The following PCSK2 variants were observed in gnomAD, a reference collection of about 807,000 sequenced individuals.
PCSK2 encodes neuroendocrine convertase 2.
A neutral mutation model predicts 69.7 loss-of-function variants in PCSK2; 14 were observed. The observed-to-expected ratio is 0.20, with a 90% CI of 0.13 to 0.31. The LOEUF is 0.31. Among genes scored for constraint, PCSK2 ranks in the 10% least tolerant of loss-of-function variants. PCSK2 has a pLI of 1.00. For missense variants in PCSK2, 544 were observed against 842.5 expected (o/e 0.65, Z 4.39); for synonymous variants, 307 against 320.7 (o/e 0.96, Z 0.46).
At chr20:17,335,278 C>T (rs1291397596) in intron 2 of PCSK2, among the ~76,000 whole-genome samples, 2 of 152,176 alleles carry the variant, frequency 1.3e-5, no homozygotes, top group African/African-American at 4.8e-5. Context: ...AGCTGAGGAT[C>T]AACCATAGGA....
chr20:17,481,494 G>C, intron 11 of PCSK2, 90 bp from the exon 12 acceptor site: 1 of 1,194,510 alleles, frequency 8.4e-7, no homozygotes, highest in Non-Finnish European at 1.2e-6. Flanking sequence ...CAAAGCCCTT[G>C]CCCTTTCCGC....
At chr20:17,452,510 G>T (rs1298180173) in intron 8 of PCSK2, among the ~76,000 whole-genome samples, 1 of 152,170 alleles carries the variant, frequency 6.6e-6, no homozygotes, top group Non-Finnish European at 1.5e-5. Context: ...CTTCCTTCTG[G>T]CTTCTCCACT....
chr20:17,434,139 T>A (rs188677864), intron 7 of PCSK2, among the ~76,000 whole-genome samples: 16 of 145,410 alleles, frequency 1.1e-4, no homozygotes, highest in Admixed American at 1.0e-3. Context: ...CTACCTGTTC[T>A]CCCTCTGCCT....
At chr20:17,464,464 TA>T (rs889304191) in intron 10 of PCSK2, 3 of 152,088 alleles carry the variant, frequency 2.0e-5, no homozygotes, top group African/African-American at 7.2e-5. Flanking sequence ...GAAGAACTGG[TA>T]CCCTCCTTTT....
chr20:17,475,594 TATTTTCAGTTTTCCAC>T (rs2033277209), intron 11 of PCSK2, among the ~76,000 whole-genome samples: 1 of 152,178 alleles, frequency 6.6e-6, no homozygotes, highest in Admixed American at 6.5e-5. Flanking sequence ...ATTGAAGAAA[TATTTTCAGTTTTCCAC>T]AAGGCAAGCA....
intron 4 of PCSK2, among the ~76,000 whole-genome samples, chr20:17,366,636 A>G (rs990189674): frequency 6.6e-6 from 1 of 152,244 alleles, no homozygotes; most frequent in Admixed American, 6.5e-5. Context: ...TAAAAGTACT[A>G]TCTAGTTACC....
intron 1 of PCSK2, among the ~76,000 whole-genome samples, chr20:17,244,327 G>C (rs1006055827): frequency 6.6e-6 from 1 of 152,114 alleles, no homozygotes; most frequent in Non-Finnish European, 1.5e-5. Flanking sequence ...TAACATTGAG[G>C]TCTCTCCCTC....
intron 2 of PCSK2, among the ~76,000 whole-genome samples, chr20:17,277,331 A>G (rs1476380425): frequency 6.6e-6 from 1 of 152,140 alleles, no homozygotes; most frequent in Admixed American, 6.5e-5. Context: ...CTACAAGGCT[A>G]CAGTAACCAA....
intron 5 of PCSK2, among the ~76,000 whole-genome samples, chr20:17,391,344 G>A (rs1012196283): frequency 2.6e-5 from 4 of 151,938 alleles, no homozygotes; most frequent in Admixed American, 1.3e-4. Context: ...CCTTATTTTC[G>A]CTGCTGACTT....
chr20:17,273,330 A>G (rs1032961297), intron 2 of PCSK2, among the ~76,000 whole-genome samples: 2 of 152,132 alleles, frequency 1.3e-5, no homozygotes, highest in African/African-American at 4.8e-5. Flanking sequence ...TCTTCATTTT[A>G]TCATCTCTAC....
At chr20:17,454,793 A>G (rs2032888693) in intron 9 of PCSK2, among the ~76,000 whole-genome samples, 1 of 152,216 alleles carries the variant, frequency 6.6e-6, no homozygotes, top group South Asian at 2.1e-4. Context: ...ACAGGAGGAC[A>G]GGAGCTCAGG....
intron 4 of PCSK2, among the ~76,000 whole-genome samples, chr20:17,361,408 C>G (rs776073888): frequency 1.8e-4 from 27 of 152,182 alleles, no homozygotes; most frequent in Middle Eastern, 3.2e-3. Flanking sequence ...GGCATTTTTC[C>G]AACTACACAC....
In PCSK2 at chr20:17,389,584, C is replaced by G. The variant is rs541010269; in HGVS notation, c.544-19679C>G. 9.6e-4 allele frequency among the ~76,000 whole-genome samples: 146 copies of G among 152,260 alleles called. 1 individual carries two copies. The highest frequency in any genetic ancestry group is 2.0e-3 in the Admixed American group (30 of 15,296). Reference sequence around the variant, plus strand: ...CAGACTTTGCAGCTTCAGGGACCATCGGCTAAGAGACTTGTCTTCTGGACT... The same window carrying G: ...CAGACTTTGCAGCTTCAGGGACCATGGGCTAAGAGACTTGTCTTCTGGACT... On this transcript the variant is annotated intron_variant, in intron 5 of 11. Transcript: ENST00000262545.
At chr20:17,297,522 C>T (rs539123099) in intron 2 of PCSK2, among the ~76,000 whole-genome samples, 9 of 152,228 alleles carry the variant, frequency 5.9e-5, no homozygotes, top group African/African-American at 2.2e-4. Context: ...GTTGACTGGA[C>T]TGTGCACTTC....
At chr20:17,323,100 G>A (rs1173683482) in intron 2 of PCSK2, among the ~76,000 whole-genome samples, 2 of 152,090 alleles carry the variant, frequency 1.3e-5, no homozygotes. Context: ...CCTAACCTTA[G>A]GTGATCCGCC....
Position 17,227,373 on chromosome 20 carries a change from C to A in PCSK2, c.68C>A (p.Ala23Glu), listed in dbSNP as rs1404232031. Residue 23 changes from alanine to glutamate, a missense_variant, in exon 1 of 12, where the codon GCA (alanine) becomes GAA (glutamate). Physicochemically the swap from Ala to Glu is moderately radical, Grantham distance 107. This residue lies in a region of PCSK2 where 157 missense variants were observed against 155.0 expected (regional missense o/e 1.01). Coordinates refer to ENST00000262545, the MANE Select transcript of PCSK2 (RefSeq NM_002594.5). ...AGFLFCVMVF[A>E]SAERPVFTNH... ...TTCCTCTTCTGTGTCATGGTTTTTG[C>A]ATCTGCTGAGCGACCGGTCTTCACG... 6.2e-7 allele frequency: 1 copy of A among 1,613,822 alleles called. No homozygotes were observed. Among genetic ancestry groups the A allele is most frequent in the Admixed American group, 1.7e-5 (1 of 60,016 alleles).
intron 1 of PCSK2, among the ~76,000 whole-genome samples, chr20:17,253,480 C>T (rs1029488765): frequency 6.6e-6 from 1 of 152,166 alleles, no homozygotes; most frequent in African/African-American, 2.4e-5. Flanking sequence ...TGCTGTCAGG[C>T]TTCTTTAACT....
At chr20:17,365,733 G>A (rs531195759) in intron 4 of PCSK2, among the ~76,000 whole-genome samples, 16 of 152,178 alleles carry the variant, frequency 1.1e-4, no homozygotes, top group South Asian at 1.0e-3. Flanking sequence ...GGGAGAAATA[G>A]GAAAGAAGAA....
chr20:17,267,938 T>C (rs907386309), intron 2 of PCSK2, among the ~76,000 whole-genome samples: 4 of 151,156 alleles, frequency 2.6e-5, no homozygotes, highest in Non-Finnish European at 5.9e-5. Context: ...AAATCTTAGA[T>C]GTTTGAAGGG....
Sources: allele counts gnomAD v4.1 joint callset (sites outside exome capture counted in the v4.1 genomes callset), GRCh38; gene constraint gnomAD v4.1.1; regional missense constraint gnomAD v4.1.1; transcripts MANE v1.5; gene names NCBI Gene and HGNC (gene_info 2026-07-23, HGNC 2026-07-21).